Variants in STAT5A observed in about 807,000 individuals in gnomAD.
The protein encoded by STAT5A is epididymis secretory sperm binding protein.
In STAT5A, 26 loss-of-function variants were observed where a neutral mutation model predicts 100.2. The ratio of observed to expected loss-of-function variants is 0.26; its 90% confidence interval spans 0.19 to 0.36. The LOEUF is 0.36. Among genes scored for constraint, STAT5A ranks in the 10% least tolerant of loss-of-function variants. STAT5A has a pLI of 1.00. For missense variants in STAT5A, 634 were observed against 1,027.5 expected (o/e 0.62, Z 5.24); for synonymous variants, 330 against 424.3 (o/e 0.78, Z 2.73).
chr17:42,294,078 T>TAATTACA (rs1567687840), intron 4 of STAT5A, among the ~76,000 whole-genome samples: 2 of 151,948 alleles, frequency 1.3e-5, no homozygotes, highest in African/African-American at 4.8e-5. Context: ...TAGCTAGGCG[T>TAATTACA]GGTGGCGGGC....
chr17:42,301,191 G>T, intron 8 of STAT5A, 84 bp from the exon 9 acceptor site: 1 of 1,559,048 alleles, frequency 6.4e-7, no homozygotes, highest in Admixed American at 1.8e-5. Context: ...ATGGGAGGCA[G>T]CCCCACCCCC....
intron 4 of STAT5A, among the ~76,000 whole-genome samples, chr17:42,293,209 GTTTA>G (rs1351210394): frequency 6.6e-6 from 1 of 152,104 alleles, no homozygotes. Context: ...TTGTTTGTTT[GTTTA>G]TTTATTTTTG....
intron 1 of STAT5A, 26 bp from the exon 2 acceptor site, chr17:42,289,376 G>A (rs1567685762): frequency 1.3e-6 from 2 of 1,583,126 alleles, no homozygotes; most frequent in Admixed American, 1.8e-5. Flanking sequence ...GCAGAGGAGA[G>A]CGCTTCAGCG....
chr17:42,299,736 T>A lies in STAT5A; in HGVS notation c.551-15T>A. 6.2e-7 allele frequency: 1 copy of A among 1,614,164 alleles called. No individual in the cohort carries two copies. The highest frequency in any genetic ancestry group is 8.5e-7 in the Non-Finnish European group (1 of 1,179,994). On this transcript the variant is annotated splice_polypyrimidine_tract_variant and intron_variant, in intron 5 of 18. Transcript: ENST00000590949. ...CTAGGAGGTGATGGTCATGGTTTCC[T>A]CTTCTCTCCTCTAGCTCAGTTTGCC...
chr17:42,287,579 T>C (rs1436936786), upstream of STAT5A: 6 of 152,282 alleles, frequency 3.9e-5, no homozygotes, highest in Admixed American at 6.5e-5. Context: ...GCAAGGCCTG[T>C]AGAGAGTTTC....
rs1345820694 is a variant in STAT5A at position 42,292,002 on chromosome 17, G to A, written c.316G>A (p.Val106Ile). Residue 106 changes from valine (V) to isoleucine (I), a missense_variant, in exon 4 of 19, where the codon GTC becomes ATC. Physicochemically the swap from Val to Ile is conservative, Grantham distance 29. Coordinates refer to ENST00000590949, the MANE Select transcript of STAT5A (RefSeq NM_001288718.2). ...ATATGACCGCTGCCCCCTGGAGCTG[G>A]TCCGCTGCATCCGGCACATTCTGTA... ...KTYDRCPLELVRCIRHILYNE... is the reference protein window; with the variant it reads ...KTYDRCPLELIRCIRHILYNE... 6.2e-7 allele frequency: 1 copy of A among 1,614,032 alleles called. No individual in the cohort carries two copies. Among genetic ancestry groups the A allele is most frequent in the South Asian group, 1.1e-5 (1 of 91,082 alleles).
intron 3 of STAT5A, 171 bp downstream of exon 3, chr17:42,290,193 T>C (rs1436188830): frequency 2.0e-6 from 2 of 1,019,614 alleles, no homozygotes; most frequent in African/African-American, 3.3e-5. Flanking sequence ...ACCTGTCGGA[T>C]TTCTTTAGCA....
At position 42,311,384 on chromosome 17, in the gene STAT5A, C is replaced by T. The variant is rs920682305; in HGVS notation, c.*715C>T. On this transcript the variant is annotated 3_prime_UTR_variant, in exon 19 of 19. Coordinates refer to ENST00000590949, the MANE Select transcript of STAT5A (RefSeq NM_001288718.2). ...TGGCTGCTTGGCCTTGGGCTTCATT[C>T]AAGTCTATGATGCTGTTGCCCACGT... The T allele has an allele frequency of 8.0e-4, 122 of 152,604 alleles. No individual in the cohort carries two copies. Among genetic ancestry groups the T allele is most frequent in the Non-Finnish European group, 3.8e-4 (26 of 68,226 alleles). 9.5% of individuals were successfully genotyped at this position (152,604 alleles called of 1,614,324 possible). A position where few individuals can be genotyped will look rare whatever the true frequency, so the allele number is the denominator to read the frequency against.
chr17:42,294,953 A>G (rs769568193), intron 4 of STAT5A, among the ~76,000 whole-genome samples: 2 of 150,280 alleles, frequency 1.3e-5, no homozygotes, highest in Non-Finnish European at 3.0e-5. Context: ...GCTAGAGTGC[A>G]GTGGCGCAAT....
intron 9 of STAT5A, among the ~76,000 whole-genome samples, chr17:42,303,485 G>A (rs1248169404): frequency 1.3e-5 from 2 of 152,206 alleles, no homozygotes; most frequent in Admixed American, 1.3e-4. Flanking sequence ...TGAGGTGGAA[G>A]GATCGTTTGA....
At chr17:42,309,319 C>G (rs2081058319) in intron 17 of STAT5A, 58 bp from the exon 18 acceptor site, 1 of 1,597,516 alleles carries the variant, frequency 6.3e-7, no homozygotes, top group Non-Finnish European at 8.6e-7. Flanking sequence ...GGTCCCCTCC[C>G]CAAGTCAGCT....
At chr17:42,303,441 GGCTCA>G in intron 9 of STAT5A, among the ~76,000 whole-genome samples, 1 of 152,284 alleles carries the variant, frequency 6.6e-6, no homozygotes, top group South Asian at 2.1e-4. Flanking sequence ...TGGGCACAGT[GGCTCA>G]CGCCTGTAAT....
At chr17:42,299,711 C>A in intron 5 of STAT5A, 40 bp from the exon 6 acceptor site, 1 of 1,613,996 alleles carries the variant, frequency 6.2e-7, no homozygotes, top group South Asian at 1.1e-5. Context: ...CTGTTGGACA[C>A]TAGGAGGTGA....
intron 7 of STAT5A, 70 bp from the exon 8 acceptor site, chr17:42,300,645 T>C (rs2080967932): frequency 6.2e-7 from 1 of 1,612,940 alleles, no homozygotes; most frequent in Admixed American, 1.7e-5. Flanking sequence ...GAACGGGAGC[T>C]GTGTCTTGGG....
At position 42,304,703 on chromosome 17, in the gene STAT5A, G is replaced by T. The variant is rs943566083; in HGVS notation, c.1380+51G>T. ...CACTGCTCCAGGTCACCCAAGAGGT[G>T]GAGGGGCCTGCCTCAGGACTCCTGG... On this transcript the variant is annotated intron_variant, in intron 11 of 18. Coordinates refer to ENST00000590949, the MANE Select transcript of STAT5A (RefSeq NM_001288718.2). The surrounding 1 kb of genome is among the most constrained non-coding windows in gnomAD (Gnocchi z 4.8). 1 of 1,607,238 alleles carries T rather than the reference G, an allele frequency of 6.2e-7. No homozygotes were observed. The highest frequency in any genetic ancestry group is 2.2e-5 in the East Asian group (1 of 44,868).
rs1279021105 is a variant in STAT5A at position 42,305,756 on chromosome 17, G to A, written c.1473+54G>A. On this transcript the variant is annotated intron_variant, in intron 12 of 18. Transcript: ENST00000590949. ...CACCCCCAGGCCCTAGGACTCACCT[G>A]GGGTCAGCCCCACCCCTTGGGCCCC... 3 of 1,580,806 alleles carry A rather than the reference G, an allele frequency of 1.9e-6. No individual in the cohort carries two copies. In the African/African-American group the frequency reaches 4.0e-5, roughly 21 times the overall value.
In STAT5A at chr17:42,310,570, G is replaced by A. The variant is rs2081070300; in HGVS notation, c.2286G>A (p.Arg762=). 8 of 1,614,114 alleles carry A rather than the reference G, an allele frequency of 5.0e-6. No homozygotes were observed. The highest frequency in any genetic ancestry group is 1.3e-5 in the African/African-American group (1 of 74,940). The change falls in exon 19 of 19, where the codon AGG becomes AGA. Residue 762 remains arginine (R), a synonymous_variant. Coordinates refer to ENST00000590949, the MANE Select transcript of STAT5A (RefSeq NM_001288718.2). ...TGGATGAGACCATGGATGTGGCCAGGCACGTGGAGGAACTCTTACGCCGAC... is the reference window on the plus strand; with the variant it reads ...TGGATGAGACCATGGATGTGGCCAGACACGTGGAGGAACTCTTACGCCGAC... The part of the protein sequence containing the change: ...FDLDETMDVA[R]HVEELLRRPM...
chr17:42,299,602 G>A lies in STAT5A; in HGVS notation c.551-149G>A. On this transcript the variant is annotated intron_variant, in intron 5 of 18. Coordinates refer to ENST00000590949, the MANE Select transcript of STAT5A (RefSeq NM_001288718.2). ...GCCTCCTGAGGCGCCATTCATCTTG[G>A]CCCCCCTGGCTGTCAGGAACCCCGA... 3.0e-6 allele frequency: 4 copies of A among 1,344,068 alleles called. 1 individual carries two copies. The South Asian group carries it at 5.8e-5, about 19-fold the overall frequency. 83.3% of individuals were successfully genotyped at this position (1,344,068 alleles called of 1,614,324 possible).
intron 12 of STAT5A, 47 bp from the exon 13 acceptor site, chr17:42,306,194 T>C (rs750634552): frequency 5.6e-5 from 91 of 1,613,650 alleles, no homozygotes; most frequent in Non-Finnish European, 1.7e-6. Flanking sequence ...TGTGAATATT[T>C]CCAACTCCCT....
Sources: gnomAD v4.1 joint callset for allele counts (sites outside exome capture counted in the v4.1 genomes callset) on GRCh38, gnomAD v4.1.1 for gene constraint, Gnocchi (gnomAD v3.1) non-coding constraint, MANE v1.5 for transcripts, NCBI Gene and HGNC (gene_info 2026-07-23, HGNC 2026-07-21) for gene names.